The following HABP4 variants were observed in gnomAD, a reference collection of about 807,000 sequenced individuals.
HABP4 encodes hyaluronan binding protein 4.
In HABP4, 32 loss-of-function variants were observed where a neutral mutation model predicts 44.1. The ratio of observed to expected loss-of-function variants is 0.73; its 90% CI spans 0.55 to 0.97. HABP4 has a LOEUF of 0.97. HABP4 is among the 50% of genes least tolerant of loss of function. HABP4 has a pLI of 0.00. For missense variants in HABP4, 503 were observed against 561.9 expected (o/e 0.90, Z 1.06); for synonymous variants, 216 against 218.0 (o/e 0.99, Z 0.08).
At chr9:96,485,353 G>A (rs905619306) in intron 6 of HABP4, among the ~76,000 whole-genome samples, 3 of 152,202 alleles carry the variant, frequency 2.0e-5, no homozygotes, top group Admixed American at 2.0e-4. Flanking sequence ...ACCTGGCCGA[G>A]TAGTTGATGA....
At chr9:96,457,955 A>T (rs1446495653) in intron 1 of HABP4, among the ~76,000 whole-genome samples, 1 of 152,222 alleles carries the variant, frequency 6.6e-6, no homozygotes, top group Non-Finnish European at 1.5e-5. Flanking sequence ...CATAGTTGCT[A>T]TGTAATGTGC....
intron 1 of HABP4, among the ~76,000 whole-genome samples, chr9:96,451,756 T>C (rs139329651): frequency 1.9e-4 from 29 of 152,324 alleles, no homozygotes; most frequent in African/African-American, 6.7e-4. Context: ...AAAAATGTTA[T>C]TTACTATCTC....
chr9:96,477,855 CCT>C (rs1832807116), intron 5 of HABP4, among the ~76,000 whole-genome samples: 1 of 152,098 alleles, frequency 6.6e-6, no homozygotes, highest in Non-Finnish European at 1.5e-5. Flanking sequence ...CTTTGTAGGC[CCT>C]CTCTCTTGCC....
intron 1 of HABP4, among the ~76,000 whole-genome samples, chr9:96,456,759 CAAAAAAAA>C (rs764603456): frequency 3.8e-3 from 93 of 24,682 alleles, no homozygotes; most frequent in African/African-American, 0.011. Context: ...GACTCCATCT[CAAAAAAAA>C]AAAAAAAAAA....
At chr9:96,459,020 G>A (rs1040843947) in intron 2 of HABP4, among the ~76,000 whole-genome samples, 5 of 152,140 alleles carry the variant, frequency 3.3e-5, no homozygotes, top group African/African-American at 1.2e-4. Context: ...TTAGATGATG[G>A]GAAGGATCTT....
At chr9:96,467,462 G>A (rs976952234) in intron 4 of HABP4, among the ~76,000 whole-genome samples, 1 of 151,192 alleles carries the variant, frequency 6.6e-6, no homozygotes, top group Non-Finnish European at 1.5e-5. Flanking sequence ...AAGTAATATA[G>A]GCACTTTCTT....
intron 2 of HABP4, among the ~76,000 whole-genome samples, chr9:96,463,346 C>A (rs2131127631): frequency 6.6e-6 from 1 of 152,260 alleles, no homozygotes; most frequent in South Asian, 2.1e-4. Context: ...CCTCTGCCTC[C>A]TGGGTTCAAG....
intron 5 of HABP4, chr9:96,483,180 T>TC (rs1832907815): frequency 6.6e-6 from 1 of 151,348 alleles, no homozygotes; most frequent in Non-Finnish European, 1.5e-5. Flanking sequence ...GTTCTAACCA[T>TC]CCCACTGGGT....
At position 96,450,764 on chromosome 9, in the gene HABP4, G is replaced by A; in HGVS notation, c.349+136G>A. On this transcript the variant is annotated intron_variant, in intron 1 of 7. Coordinates refer to ENST00000375249, the MANE Select transcript of HABP4 (RefSeq NM_014282.4). This position sits in a 1 kb window ranked among gnomAD's most constrained non-coding sequence, Gnocchi z 4.8. ...GTCCTGGTGGCCGCCGAAGGTAGGA[G>A]GAGAGGGGCAGGGGTCACACCCCTT... 2 of 683,988 alleles carry A rather than the reference G, an allele frequency of 2.9e-6. No homozygotes were observed. 42.4% of individuals were successfully genotyped at this position (683,988 alleles called of 1,614,324 possible).
chr9:96,484,448 A>G lies in HABP4; in HGVS notation c.828-14A>G, dbSNP rs1832935291. On this transcript the variant is annotated splice_polypyrimidine_tract_variant and intron_variant, in intron 5 of 7. Transcript: ENST00000375249. ...ATCAAAAAGTATTCTTTATGATTAT[A>G]TATCTCTTTATAGAGTTCCTGAGTT... is the stretch of plus-strand genomic sequence containing the variant. The G allele has an allele frequency of 5.6e-6, 7 of 1,241,140 alleles. No individual in the cohort carries two copies. The highest frequency in any genetic ancestry group is 8.2e-6 in the Non-Finnish European group (7 of 858,712). The allele number at this position is 1,241,140 out of a possible 1,614,324, so 76.9% of individuals were successfully genotyped here.
chr9:96,488,348 T>G lies in HABP4; in HGVS notation c.1185+74T>G. On this transcript the variant is annotated intron_variant, in intron 7 of 7. Coordinates refer to ENST00000375249, the MANE Select transcript of HABP4 (RefSeq NM_014282.4). The surrounding 1 kb of genome is among the most constrained non-coding windows in gnomAD (Gnocchi z 4.6). ...GCCCTGGGCCCAGGATGGTCTAATTTCAGAGGGTCATGAGTTTCTGCAGTC... is the reference window on the plus strand; with the variant it reads ...GCCCTGGGCCCAGGATGGTCTAATTGCAGAGGGTCATGAGTTTCTGCAGTC... The G allele has an allele frequency of 1.0e-6, 1 of 972,156 alleles. No individual in the cohort carries two copies. Among genetic ancestry groups the G allele is most frequent in the Non-Finnish European group, 1.5e-6 (1 of 658,052 alleles). The allele number at this position is 972,156 out of a possible 1,614,324, so 60.2% of individuals were successfully genotyped here. A position where few individuals can be genotyped will look rare whatever the true frequency, so the allele number is the denominator to read the frequency against.
intron 6 of HABP4, among the ~76,000 whole-genome samples, chr9:96,485,780 G>A (rs1371718886): frequency 6.6e-6 from 1 of 152,002 alleles, no homozygotes; most frequent in African/African-American, 2.4e-5. Flanking sequence ...ACTATTTCGA[G>A]GTGGGAGTGA....
chr9:96,460,349 T>G (rs1832479539), intron 2 of HABP4, among the ~76,000 whole-genome samples: 1 of 152,102 alleles, frequency 6.6e-6, no homozygotes, highest in African/African-American at 2.4e-5. Flanking sequence ...TTATCATTCA[T>G]CCCCCACCAC....
intron 6 of HABP4, among the ~76,000 whole-genome samples, chr9:96,484,892 A>G (rs1022701769): frequency 7.2e-5 from 11 of 152,222 alleles, no homozygotes; most frequent in African/African-American, 2.2e-4. Flanking sequence ...GGTACTGTAC[A>G]CATACTGTGT....
chr9:96,451,517 G>C (rs1219403718), intron 1 of HABP4: 1 of 972,762 alleles, frequency 1.0e-6, no homozygotes, highest in African/African-American at 1.8e-5. Context: ...AGATGTGTAG[G>C]TTGACCATTC....
intron 5 of HABP4, among the ~76,000 whole-genome samples, chr9:96,482,819 A>G (rs1415400298): frequency 3.3e-5 from 5 of 151,822 alleles, no homozygotes; most frequent in Admixed American, 3.3e-4. Context: ...CGTAATGTGT[A>G]TTAATACTTT....
chr9:96,475,390 C>CAAAAAAAAA (rs61553823), intron 5 of HABP4, among the ~76,000 whole-genome samples: 605 of 93,360 alleles, frequency 6.5e-3, no homozygotes, highest in African/African-American at 0.011. Flanking sequence ...ACAACAACAA[C>CAAAAAAAAA]AAAAAAAAAA....
At chr9:96,452,100 A>G (rs1375394583) in intron 1 of HABP4, among the ~76,000 whole-genome samples, 1 of 151,648 alleles carries the variant, frequency 6.6e-6, no homozygotes, top group Non-Finnish European at 1.5e-5. Context: ...GGTGGCGGGC[A>G]CCTGTAGGTC....
intron 5 of HABP4, among the ~76,000 whole-genome samples, chr9:96,477,265 T>C (rs143967452): frequency 6.9e-4 from 105 of 152,346 alleles, no homozygotes; most frequent in Non-Finnish European, 1.3e-3. Flanking sequence ...CTGTCACAAG[T>C]AGGCTAAAGA....
Sources: allele counts gnomAD v4.1 joint callset (sites outside exome capture counted in the v4.1 genomes callset), GRCh38; gene constraint gnomAD v4.1.1; non-coding constraint Gnocchi (gnomAD v3.1); transcripts MANE v1.5; gene names NCBI Gene and HGNC (gene_info 2026-07-23, HGNC 2026-07-21).